PITPNC1: variants seen among roughly 807,000 people sequenced by gnomAD.
PITPNC1 encodes the protein phosphatidylinositol transfer protein cytoplasmic 1.
A neutral mutation model predicts 44.7 loss-of-function variants in PITPNC1; 18 were observed. The observed-to-expected ratio is 0.40, with a 90% CI of 0.28 to 0.60. The LOEUF (loss-of-function observed/expected upper bound fraction) is 0.60, where lower values mean the gene tolerates loss of function less well. Ranked by LOEUF, PITPNC1 falls within the 20% of genes least tolerant of loss-of-function variation. The pLI is 0.39. For missense variants in PITPNC1, 290 were observed against 418.4 expected, an observed-to-expected ratio of 0.69 and a Z score of 2.68; for synonymous variants, 141 against 149.6, an observed-to-expected ratio of 0.94 and a Z score of 0.42.
At chr17:67,433,784 C>G (rs1289478610) in intron 1 of PITPNC1, among the ~76,000 whole-genome samples, 1 of 151,928 alleles carries the variant, frequency 6.6e-6, no homozygotes, top group Non-Finnish European at 1.5e-5. Context: ...TCACTTGAAC[C>G]CAGGAGGCTG....
intron 6 of PITPNC1, among the ~76,000 whole-genome samples, chr17:67,632,612 G>A (rs968230831): frequency 6.8e-5 from 9 of 133,140 alleles, no homozygotes; most frequent in African/African-American, 2.0e-4. Flanking sequence ...ATGGAGTCTC[G>A]CCCAGGCTGG....
chr17:67,562,452 T>C (rs1006752915), intron 4 of PITPNC1, among the ~76,000 whole-genome samples: 2 of 152,180 alleles, frequency 1.3e-5, no homozygotes, highest in Admixed American at 1.3e-4. Flanking sequence ...ATGCAGCATA[T>C]ATTTAGGAAG....
At chr17:67,513,426 T>C (rs141017163) in intron 1 of PITPNC1, among the ~76,000 whole-genome samples, 1,586 of 148,098 alleles carry the variant, frequency 0.011, 25 homozygotes, top group African/African-American at 0.037. Flanking sequence ...TATGTGTGTA[T>C]ATATATGTAT....
intron 1 of PITPNC1, among the ~76,000 whole-genome samples, chr17:67,425,174 A>G (rs1464790794): frequency 7.1e-6 from 1 of 140,988 alleles, no homozygotes; most frequent in Non-Finnish European, 1.5e-5. Flanking sequence ...GGTGAAATAA[A>G]CAGCCATGTT....
chr17:67,389,696 T>C (rs2038108343), intron 1 of PITPNC1, among the ~76,000 whole-genome samples: 1 of 151,922 alleles, frequency 6.6e-6, no homozygotes, highest in Admixed American at 6.6e-5. Flanking sequence ...GTTGTTGTTT[T>C]TGAGATGGAG....
At chr17:67,543,974 C>T (rs1276005404) in intron 2 of PITPNC1, among the ~76,000 whole-genome samples, 2 of 152,186 alleles carry the variant, frequency 1.3e-5, no homozygotes, top group South Asian at 2.1e-4. Flanking sequence ...CCTCAGCCTC[C>T]TGAGTAGCTG....
At chr17:67,424,564 G>A (rs902127220) in intron 1 of PITPNC1, among the ~76,000 whole-genome samples, 1 of 152,060 alleles carries the variant, frequency 6.6e-6, no homozygotes, top group Non-Finnish European at 1.5e-5. Flanking sequence ...GGCTGAGGCA[G>A]AGGAATCGCC....
At chr17:67,563,075 G>A (rs1332350402) in intron 4 of PITPNC1, among the ~76,000 whole-genome samples, 1 of 152,164 alleles carries the variant, frequency 6.6e-6, no homozygotes, top group African/African-American at 2.4e-5. Context: ...GCCCTCATTA[G>A]CACTGTGGAA....
chr17:67,667,877 G>A (rs2042447933), intron 6 of PITPNC1, among the ~76,000 whole-genome samples: 1 of 152,116 alleles, frequency 6.6e-6, no homozygotes, highest in Non-Finnish European at 1.5e-5. Context: ...CTACTTAGGA[G>A]GTTGAGGCAG....
rs145802595 is a variant in PITPNC1, at chr17:67,424,636, G to A, written c.48+46434G>A. Among the ~76,000 whole-genome samples, 32 of 152,182 alleles carry A rather than the reference G, an allele frequency of 2.1e-4. 1 individual carries two copies. In the East Asian group the frequency reaches 5.6e-3, roughly 27 times the overall value. ...CGCACTACTGTGCTCCTGCTTGGGC[G>A]ACAGAGGAAGACTCCGTCTCACAAA... On this transcript the variant is annotated intron_variant, in intron 1 of 8. Transcript: ENST00000581322.
intron 1 of PITPNC1, among the ~76,000 whole-genome samples, chr17:67,482,018 C>A (rs2039711581): frequency 6.6e-6 from 1 of 152,146 alleles, no homozygotes; most frequent in African/African-American, 2.4e-5. Context: ...AGAAATAAAA[C>A]TATTTGTGTT....
intron 2 of PITPNC1, among the ~76,000 whole-genome samples, chr17:67,550,481 T>C (rs1402759283): frequency 6.6e-6 from 1 of 151,672 alleles, no homozygotes; most frequent in Non-Finnish European, 1.5e-5. Flanking sequence ...CGGGCTCTGA[T>C]TGTCATTTAG....
intron 4 of PITPNC1, among the ~76,000 whole-genome samples, chr17:67,574,162 G>A (rs1024522450): frequency 4.6e-5 from 7 of 152,122 alleles, no homozygotes; most frequent in Non-Finnish European, 7.4e-5. Context: ...CCTACAGAGC[G>A]GAAAAGGATT....
intron 5 of PITPNC1, among the ~76,000 whole-genome samples, chr17:67,604,987 G>C (rs1475829130): frequency 6.6e-6 from 1 of 151,420 alleles, no homozygotes; most frequent in Non-Finnish European, 1.5e-5. Flanking sequence ...GCTGAGGCAG[G>C]AGAATCGTTT....
chr17:67,488,589 T>C (rs1315193071), intron 1 of PITPNC1, among the ~76,000 whole-genome samples: 1 of 152,234 alleles, frequency 6.6e-6, no homozygotes, highest in East Asian at 1.9e-4. Context: ...ATAAGACATG[T>C]AACAAAATTT....
At chr17:67,448,758 C>T (rs1385349805) in intron 1 of PITPNC1, among the ~76,000 whole-genome samples, 1 of 152,098 alleles carries the variant, frequency 6.6e-6, no homozygotes, top group Admixed American at 6.6e-5. Context: ...GCTGGAGAGG[C>T]AGGTACATCA....
At chr17:67,691,804 A>C (rs2042932017) in intron 8 of PITPNC1, among the ~76,000 whole-genome samples, 1 of 152,170 alleles carries the variant, frequency 6.6e-6, no homozygotes, top group Non-Finnish European at 1.5e-5. Context: ...TGAGGAATTC[A>C]AGACCAGCCT....
intron 1 of PITPNC1, among the ~76,000 whole-genome samples, chr17:67,522,657 A>ATTTTTTTTT (rs1219049449): frequency 1.7e-5 from 1 of 59,972 alleles, no homozygotes; most frequent in African/African-American, 1.0e-4. Context: ...TACCATTTTA[A>ATTTTTTTTT]TCTTTTTTTT....
chr17:67,399,239 T>C (rs934783789), intron 1 of PITPNC1, among the ~76,000 whole-genome samples: 29 of 152,088 alleles, frequency 1.9e-4, no homozygotes, highest in African/African-American at 5.8e-4. Context: ...GGTCTCGAAC[T>C]CCTGACCTTG....
Sources: allele counts gnomAD v4.1 joint callset (sites outside exome capture counted in the v4.1 genomes callset), GRCh38; gene constraint gnomAD v4.1.1; transcripts MANE v1.5; gene names NCBI Gene and HGNC (gene_info 2026-07-23, HGNC 2026-07-21).